Variants in DDX60L observed in about 807,000 individuals in gnomAD.
DDX60L encodes the protein probable ATP-dependent RNA helicase DDX60-like.
In DDX60L, 191 loss-of-function variants were observed where a neutral mutation model predicts 211.6. The observed-to-expected ratio is 0.90, with a 90% CI of 0.80 to 1.02. DDX60L has a LOEUF of 1.02. Among genes scored for constraint, DDX60L ranks in the 50% least tolerant of loss-of-function variants. The pLI, the probability that DDX60L is intolerant of heterozygous loss-of-function variation, is 0.00. For missense variants in DDX60L, 2,007 were observed against 1,984.1 expected (o/e 1.01, Z -0.22); for synonymous variants, 706 against 694.1 (o/e 1.02, Z -0.27).
Position 168,471,798 on chromosome 4 carries a change from A to G in DDX60L, c.213T>C (p.Tyr71=). The G allele has an allele frequency of 6.2e-7, 1 of 1,613,212 alleles. No homozygotes were observed. Among genetic ancestry groups the G allele is most frequent in the Non-Finnish European group, 8.5e-7 (1 of 1,179,796 alleles). Residue 71 remains tyrosine (Y), a synonymous_variant, in exon 4 of 38, where the codon TAT becomes TAC. Coordinates refer to ENST00000682922, the MANE Select transcript of DDX60L (RefSeq NM_001012967.3). ...NLHFFYLVEC[Y]LVDLLSNGGQ... is the part of the protein sequence containing the mutation. ...CTCCGTTACTCAGAAGATCCACAAGATAGCATTCAACCAGATAGAAAAAGT... is the reference window on the plus strand; with the variant it reads ...CTCCGTTACTCAGAAGATCCACAAGGTAGCATTCAACCAGATAGAAAAAGT...
Position 168,378,364 on chromosome 4 carries a change from G to A in DDX60L, c.4475C>T (p.Ser1492Phe). Residue 1492 changes from serine (S) to phenylalanine (F), a missense_variant, in exon 33 of 38, where the codon TCT (serine) becomes TTT (phenylalanine). By Grantham distance (155) the Ser-to-Phe change is radical (BLOSUM62 -2). Coordinates refer to ENST00000682922, the MANE Select transcript of DDX60L (RefSeq NM_001012967.3). ...TATAACAAACTTTACCTTTGACTGA[G>A]AAAAACTTAAATTAGCATTTTGGAA... ...AKFQNANLSF[S>F]QSKVILAELP... 1.4e-6 allele frequency: 2 copies of A among 1,429,788 alleles called. No individual in the cohort carries two copies. Among genetic ancestry groups the A allele is most frequent in the Non-Finnish European group, 1.9e-6 (2 of 1,038,416 alleles). 88.6% of individuals were successfully genotyped at this position (1,429,788 alleles called of 1,614,324 possible).
chr4:168,471,995 G>A lies in DDX60L; in HGVS notation c.75-59C>T, dbSNP rs919714734. The A allele has an allele frequency of 5.1e-6, 7 of 1,381,232 alleles. No homozygotes were observed. In the South Asian group the frequency reaches 6.5e-5, roughly 13 times the overall value. 85.6% of individuals were successfully genotyped at this position (1,381,232 alleles called of 1,614,324 possible). On this transcript the variant is annotated intron_variant, in intron 3 of 37. Coordinates refer to ENST00000682922, the MANE Select transcript of DDX60L (RefSeq NM_001012967.3). The stretch of plus-strand genomic sequence containing the variant: ...GATGTTTCACAGAGACTTTGTTGCT[G>A]TTGTTGTTACTATTATTGCATAAGC...
At chr4:168,414,325 A>G (rs931849741) in intron 22 of DDX60L, among the ~76,000 whole-genome samples, 4 of 152,194 alleles carry the variant, frequency 2.6e-5, no homozygotes, top group Non-Finnish European at 5.9e-5. Context: ...ACAGAATATT[A>G]TAACATTGTA....
At chr4:168,390,908 G>GT in intron 29 of DDX60L, among the ~76,000 whole-genome samples, 1 of 150,948 alleles carries the variant, frequency 6.6e-6, no homozygotes, top group Non-Finnish European at 1.5e-5. Context: ...AAGTTATCTG[G>GT]AGACCTCCGA....
chr4:168,441,267 T>C, intron 10 of DDX60L, 70 bp downstream of exon 10: 1 of 1,384,544 alleles, frequency 7.2e-7, no homozygotes. Flanking sequence ...AAGAATTGAA[T>C]TATTAGGGCT....
At position 168,400,943 on chromosome 4, in the gene DDX60L, C is replaced by T; in HGVS notation, c.3374G>A (p.Ser1125Asn). Residue 1125 changes from serine to asparagine, a missense_variant, in exon 26 of 38, where the codon AGT becomes AAT. Coordinates refer to ENST00000682922, the MANE Select transcript of DDX60L (RefSeq NM_001012967.3). ...KNDDVGKRAG[S>N]VCTFLEKTET... ...TGTCTTCTCCAGAAAAGTGCACACA[C>T]TTCCAGCTCTTTTTCCCACATCATC... The T allele has an allele frequency of 6.2e-7, 1 of 1,613,894 alleles. No homozygotes were observed. Among genetic ancestry groups the T allele is most frequent in the Non-Finnish European group, 8.5e-7 (1 of 1,179,826 alleles).
At chr4:168,390,005 T>G (rs1193476451) in intron 29 of DDX60L, 1 of 248,534 alleles carries the variant, frequency 4.0e-6, no homozygotes, top group African/African-American at 2.3e-5. Context: ...AACCTGACAT[T>G]TGGGATGATG....
In DDX60L at chr4:168,379,623, AT is replaced by A. The variant is rs1173130281; in HGVS notation, c.4221+102del. ...CATTTATTAATAAATGATAAGTAACATTATCATTGAATGCAGATTATAGAAA... is the reference window on the plus strand; with the variant it reads ...CATTTATTAATAAATGATAAGTAACATATCATTGAATGCAGATTATAGAAA... On this transcript the variant is annotated intron_variant, in intron 31 of 37. Coordinates refer to ENST00000682922, the MANE Select transcript of DDX60L (RefSeq NM_001012967.3). The A allele has an allele frequency of 2.6e-6, 3 of 1,169,614 alleles. No individual in the cohort carries two copies. In the African/African-American group the frequency reaches 4.7e-5, roughly 18 times the overall value. The allele number at this position is 1,169,614 out of a possible 1,614,324, so 72.5% of individuals were successfully genotyped here.
intron 22 of DDX60L, among the ~76,000 whole-genome samples, chr4:168,414,722 T>C (rs1040966327): frequency 2.0e-5 from 3 of 152,040 alleles, no homozygotes; most frequent in Non-Finnish European, 1.5e-5. Context: ...TAGATGGAAT[T>C]GGATGTCACT....
intron 12 of DDX60L, 67 bp from the exon 13 acceptor site, chr4:168,430,705 C>T: frequency 8.2e-7 from 1 of 1,223,278 alleles, no homozygotes; most frequent in Non-Finnish European, 1.1e-6. Flanking sequence ...GTGCTACCCA[C>T]ACATTATTTT....
chr4:168,423,048 T>C (rs887316144), intron 15 of DDX60L, among the ~76,000 whole-genome samples: 1 of 151,166 alleles, frequency 6.6e-6, no homozygotes, highest in African/African-American at 2.4e-5. Context: ...CTTGAACTAC[T>C]GGGCTCAAGT....
intron 13 of DDX60L, among the ~76,000 whole-genome samples, chr4:168,427,813 G>A (rs536628490): frequency 6.6e-6 from 1 of 152,284 alleles, no homozygotes; most frequent in East Asian, 1.9e-4. Flanking sequence ...ACTGGAAAAT[G>A]GAGGAGTCAC....
At chr4:168,414,200 C>A (rs1411205775) in intron 22 of DDX60L, among the ~76,000 whole-genome samples, 2 of 152,040 alleles carry the variant, frequency 1.3e-5, no homozygotes, top group East Asian at 1.9e-4. Flanking sequence ...TTCAGCAACA[C>A]CTGTCCTACA....
At chr4:168,392,936 T>C (rs1745105989) in intron 28 of DDX60L, among the ~76,000 whole-genome samples, 1 of 152,144 alleles carries the variant, frequency 6.6e-6, no homozygotes, top group Admixed American at 6.5e-5. Flanking sequence ...CATTTATATA[T>C]TCATTCATTT....
chr4:168,386,575 G>GA (rs55835081), intron 29 of DDX60L, among the ~76,000 whole-genome samples: 78,090 of 142,486 alleles, frequency 0.55, 21,828 homozygotes, highest in East Asian at 0.72. Flanking sequence ...ATATGATGTT[G>GA]AAAAAAAAAA....
intron 4 of DDX60L, 85 bp from the exon 5 acceptor site, chr4:168,462,125 A>C: frequency 2.0e-6 from 2 of 1,016,032 alleles, no homozygotes; most frequent in Non-Finnish European, 1.4e-6. Flanking sequence ...GCACAAAGCT[A>C]TACAGGACTG....
At chr4:168,384,538 TA>T in intron 30 of DDX60L, 73 bp downstream of exon 30, 1 of 1,571,118 alleles carries the variant, frequency 6.4e-7, no homozygotes. Flanking sequence ...GACAGACTTC[TA>T]AAAGAGCAGC....
At position 168,423,751 on chromosome 4, in the gene DDX60L, T is replaced by C. The variant is rs535990607; in HGVS notation, c.1954A>G (p.Ile652Val). 3.2e-6 allele frequency: 5 copies of C among 1,575,508 alleles called. No individual in the cohort carries two copies. The East Asian group carries it at 6.8e-5, about 22-fold the overall frequency. ...ATCCTTTTCATCATTTGAACAGCTA[T>C]ACTTAAATCTTTCGAAATTTTGCCT... ...GEGKISKDLS[I>V]AVQMMKRIHS... Residue 652 changes from isoleucine (I) to valine (V), a missense_variant, in exon 15 of 38, where the codon ATA becomes GTA. By Grantham distance (29) the Ile-to-Val change is conservative (BLOSUM62 3). Coordinates refer to ENST00000682922, the MANE Select transcript of DDX60L (RefSeq NM_001012967.3).
At chr4:168,375,137 T>A (rs1426795071) in intron 34 of DDX60L, among the ~76,000 whole-genome samples, 1 of 152,236 alleles carries the variant, frequency 6.6e-6, no homozygotes, top group Non-Finnish European at 1.5e-5. Flanking sequence ...TTTATTTTTT[T>A]TCCTCCATTG....
Sources: gnomAD v4.1 joint callset for allele counts (sites outside exome capture counted in the v4.1 genomes callset) on GRCh38, gnomAD v4.1.1 for gene constraint, MANE v1.5 for transcripts, NCBI Gene and HGNC (gene_info 2026-07-23, HGNC 2026-07-21) for gene names.